Variants in RORA observed in about 807,000 individuals in gnomAD.
RORA encodes RAR related orphan receptor A.
Under a neutral mutation model 69.5 loss-of-function variants are expected in RORA, and 7 were observed. The ratio of observed to expected loss-of-function variants is 0.10; its 90% CI spans 0.06 to 0.19. The LOEUF is 0.19. RORA is among the 10% of genes least tolerant of loss of function. RORA has a pLI of 1.00. For missense variants in RORA, 457 were observed against 663.0 expected (o/e 0.69, Z 3.41); for synonymous variants, 261 against 240.8 (o/e 1.08, Z -0.78).
intron 2 of RORA, chr15:60,558,178 T>G: frequency 1.5e-6 from 2 of 1,341,940 alleles, no homozygotes; most frequent in South Asian, 2.4e-5. Flanking sequence ...CACATCTCCA[T>G]GGTCTCTGGA....
At chr15:61,197,373 G>C (rs976750621) in intron 1 of RORA, among the ~76,000 whole-genome samples, 4 of 152,220 alleles carry the variant, frequency 2.6e-5, no homozygotes, top group African/African-American at 9.6e-5. Context: ...CCATGGTGTG[G>C]AGAAGCCTGC....
chr15:60,869,680 T>C (rs1410302512), intron 1 of RORA, among the ~76,000 whole-genome samples: 1 of 152,212 alleles, frequency 6.6e-6, no homozygotes, highest in African/African-American at 2.4e-5. Flanking sequence ...GTAATGGCTT[T>C]TACAAGTCCC....
intron 1 of RORA, among the ~76,000 whole-genome samples, chr15:60,729,393 A>C (rs2071402016): frequency 6.6e-6 from 1 of 152,174 alleles, no homozygotes; most frequent in South Asian, 2.1e-4. Context: ...ACTCCACCTT[A>C]GGAGAAGTGG....
At position 60,492,100 on chromosome 15, in the gene RORA, T is replaced by C. The variant is rs2065051484; in HGVS notation, c.*5355A>G. On this transcript the variant is annotated 3_prime_UTR_variant, in exon 11 of 11. Transcript: ENST00000335670. The stretch of plus-strand genomic sequence containing the variant: ...TTCTACCATTTTCCATATTCTTTAT[T>C]ATCAAAAACAACATGGTAAAGGTAT... 1 of 152,200 alleles carries C rather than the reference T, an allele frequency of 6.6e-6. No homozygotes were observed. The highest frequency in any genetic ancestry group is 6.5e-5 in the Admixed American group (1 of 15,276). 9.4% of individuals were successfully genotyped at this position (152,200 alleles called of 1,614,324 possible). A position where few individuals can be genotyped will look rare whatever the true frequency, so the allele number is the denominator to read the frequency against.
intron 1 of RORA, among the ~76,000 whole-genome samples, chr15:60,903,590 GCTATTATATT>G (rs1483970373): frequency 1.3e-5 from 2 of 152,170 alleles, no homozygotes; most frequent in Admixed American, 1.3e-4. Context: ...AGCTGGTGAA[GCTATTATATT>G]CTACCTTTCT....
intron 1 of RORA, among the ~76,000 whole-genome samples, chr15:60,892,803 G>C (rs146056582): frequency 3.9e-5 from 6 of 152,162 alleles, no homozygotes; most frequent in African/African-American, 1.4e-4. Flanking sequence ...CCAGTTTCAG[G>C]AGGTTACAAG....
chr15:60,526,635 G>A (rs568734932), intron 3 of RORA, among the ~76,000 whole-genome samples: 3 of 152,254 alleles, frequency 2.0e-5, no homozygotes, highest in East Asian at 3.9e-4. Context: ...CTCAGGCATC[G>A]TAAGGATGCA....
chr15:60,948,431 A>ACT lies in RORA; in HGVS notation c.167-269747_167-269746dup, dbSNP rs546218549. 3.5e-3 allele frequency among the ~76,000 whole-genome samples: 526 copies of ACT among 152,290 alleles called. 3 individuals carry two copies. Among genetic ancestry groups the ACT allele is most frequent in the African/African-American group, 0.012 (488 of 41,552 alleles). ...AGAAGTCACTTCTGGAAGGCAAAAT[A>ACT]CTCTCCATGGTTCATTTCCTCAGTC... On this transcript the variant is annotated intron_variant, in intron 1 of 10. Transcript: ENST00000335670.
At chr15:61,207,949 A>G (rs1177680575) in intron 1 of RORA, among the ~76,000 whole-genome samples, 3 of 152,238 alleles carry the variant, frequency 2.0e-5, no homozygotes, top group Non-Finnish European at 2.9e-5. Flanking sequence ...TAGTTACTAC[A>G]TAGCTGCTTA....
intron 1 of RORA, among the ~76,000 whole-genome samples, chr15:61,185,744 C>T (rs1313865206): frequency 2.6e-5 from 4 of 152,202 alleles, no homozygotes; most frequent in Admixed American, 1.3e-4. Flanking sequence ...TAGAACATCC[C>T]TATCTGCACC....
At chr15:61,006,023 C>T (rs553811756) in intron 1 of RORA, among the ~76,000 whole-genome samples, 3 of 152,170 alleles carry the variant, frequency 2.0e-5, no homozygotes, top group East Asian at 3.9e-4. Flanking sequence ...GGCTGGAGTG[C>T]AGTGGCGCGA....
chr15:60,873,201 T>C (rs2073576016), intron 1 of RORA, among the ~76,000 whole-genome samples: 2 of 151,842 alleles, frequency 1.3e-5, no homozygotes, highest in Admixed American at 1.3e-4. Flanking sequence ...CACACCAGAT[T>C]GTGGTCTTCT....
chr15:60,591,388 G>A (rs1229788933), intron 2 of RORA, among the ~76,000 whole-genome samples: 4 of 152,186 alleles, frequency 2.6e-5, no homozygotes, highest in Non-Finnish European at 5.9e-5. Context: ...CCGGCAGCAC[G>A]GGCGACTTCC....
chr15:61,057,257 C>T (rs919664599), intron 1 of RORA, among the ~76,000 whole-genome samples: 6 of 152,210 alleles, frequency 3.9e-5, no homozygotes, highest in Non-Finnish European at 5.9e-5. Flanking sequence ...CTCCTATGCA[C>T]TTCATTATAC....
In RORA at chr15:60,488,495, G is replaced by A. The variant is rs1235951768; in HGVS notation, c.*8960C>T. ...TTTGTACAGCTTGTATTTACAAAAT[G>A]AATCAAAATATTTTTTTTTTAAATT... On this transcript the variant is annotated 3_prime_UTR_variant, in exon 11 of 11. Transcript: ENST00000335670. The A allele has an allele frequency of 6.6e-6, 1 of 151,882 alleles. No homozygotes were observed. Among genetic ancestry groups the A allele is most frequent in the Non-Finnish European group, 1.5e-5 (1 of 67,950 alleles). The allele number at this position is 151,882 out of a possible 1,614,324, so 9.4% of individuals were successfully genotyped here. A position where few individuals can be genotyped will look rare whatever the true frequency, so the allele number is the denominator to read the frequency against.
At chr15:61,208,468 C>T (rs1827166494) in intron 1 of RORA, among the ~76,000 whole-genome samples, 1 of 152,070 alleles carries the variant, frequency 6.6e-6, no homozygotes, top group African/African-American at 2.4e-5. Context: ...TTGAACTAGA[C>T]TGTGGTGGTG....
intron 1 of RORA, among the ~76,000 whole-genome samples, chr15:60,916,189 T>C (rs1891868441): frequency 6.6e-6 from 1 of 152,196 alleles, no homozygotes; most frequent in Non-Finnish European, 1.5e-5. Flanking sequence ...TTTGACTGAT[T>C]GGGTCAAATT....
In RORA at chr15:60,531,418, G is replaced by A. The variant is rs571229691; in HGVS notation, c.282+348C>T. On this transcript the variant is annotated intron_variant, in intron 3 of 10. Transcript: ENST00000335670. This position sits in a 1 kb window ranked among gnomAD's most constrained non-coding sequence, Gnocchi z 4.8. Reference sequence around the variant, plus strand: ...CATTCCAATTAAACTTACTGGAGATGTCTTTTTATAAGCTTATGACAGGGA... The same window carrying A: ...CATTCCAATTAAACTTACTGGAGATATCTTTTTATAAGCTTATGACAGGGA... The A allele has an allele frequency of 5.0e-6, 1 of 201,306 alleles. No homozygotes were observed. The highest frequency in any genetic ancestry group is 2.4e-5 in the African/African-American group (1 of 42,436). 12.5% of individuals were successfully genotyped at this position (201,306 alleles called of 1,614,324 possible).
chr15:61,126,584 A>G (rs1466819320), intron 1 of RORA, among the ~76,000 whole-genome samples: 2 of 152,226 alleles, frequency 1.3e-5, no homozygotes, highest in South Asian at 2.1e-4. Flanking sequence ...TCTATTTTCA[A>G]AGAGTTGTAA....
Sources: allele counts gnomAD v4.1 joint callset (sites outside exome capture counted in the v4.1 genomes callset), GRCh38; gene constraint gnomAD v4.1.1; non-coding constraint Gnocchi (gnomAD v3.1); transcripts MANE v1.5; gene names NCBI Gene and HGNC (gene_info 2026-07-23, HGNC 2026-07-21).